The following DAPP1 variants were observed in gnomAD, a reference collection of about 807,000 sequenced individuals.
DAPP1 encodes dual adapter for phosphotyrosine and 3-phosphotyrosine and 3-phosphoinositide.
A neutral mutation model predicts 41.5 loss-of-function variants in DAPP1; 20 were observed. The observed-to-expected ratio is 0.48, with a 90% CI of 0.34 to 0.70. The LOEUF (loss-of-function observed/expected upper bound fraction) is 0.70, where lower values mean the gene tolerates loss of function less well. Among genes scored for constraint, DAPP1 ranks in the 30% least tolerant of loss-of-function variants. The pLI, the probability that DAPP1 is intolerant of heterozygous loss-of-function variation, is 0.01. For synonymous variants in DAPP1, 113 were observed against 116.2 expected, an observed-to-expected ratio of 0.97 and a Z score of 0.18; for missense variants, 233 against 333.4, an observed-to-expected ratio of 0.70 and a Z score of 2.35.
intron 4 of DAPP1, 34 bp from the exon 5 acceptor site, chr4:99,861,544 G>T (rs772137535): frequency 6.4e-7 from 1 of 1,557,160 alleles, no homozygotes; most frequent in South Asian, 1.2e-5. Flanking sequence ...TGTTGTGACA[G>T]TTCTGGTCTT....
intron 4 of DAPP1, among the ~76,000 whole-genome samples, chr4:99,856,521 G>A (rs1324469684): frequency 6.6e-6 from 1 of 152,156 alleles, no homozygotes; most frequent in African/African-American, 2.4e-5. Context: ...GAGGTAATGA[G>A]GGGTCAGATC....
intron 3 of DAPP1, among the ~76,000 whole-genome samples, chr4:99,841,219 A>T (rs1245160531): frequency 6.6e-6 from 1 of 152,196 alleles, no homozygotes; most frequent in African/African-American, 2.4e-5. Flanking sequence ...GAGTTTGTAC[A>T]TACGTGTTTT....
intron 8 of DAPP1, among the ~76,000 whole-genome samples, chr4:99,866,873 G>C (rs1465479191): frequency 6.8e-6 from 1 of 148,062 alleles, no homozygotes; most frequent in Non-Finnish European, 1.5e-5. Context: ...GAGTTCAAGT[G>C]ACTTTCATGT....
At chr4:99,828,718 A>G (rs1723026099) in intron 1 of DAPP1, among the ~76,000 whole-genome samples, 1 of 152,178 alleles carries the variant, frequency 6.6e-6, no homozygotes, top group Non-Finnish European at 1.5e-5. Flanking sequence ...AGCTATGAAA[A>G]TTCTTTAGTG....
intron 1 of DAPP1, among the ~76,000 whole-genome samples, chr4:99,823,685 T>C (rs1051630346): frequency 2.0e-5 from 3 of 152,186 alleles, no homozygotes; most frequent in Admixed American, 2.0e-4. Flanking sequence ...TGAAGGTTCA[T>C]AGGAATGTGG....
chr4:99,868,297 A>G lies in DAPP1; in HGVS notation c.*112A>G. 1 of 998,742 alleles carries G rather than the reference A, an allele frequency of 1.0e-6. No individual in the cohort carries two copies. The highest frequency in any genetic ancestry group is 1.4e-5 in the South Asian group (1 of 70,678). 61.9% of individuals were successfully genotyped at this position (998,742 alleles called of 1,614,324 possible). On this transcript the variant is annotated 3_prime_UTR_variant, in exon 9 of 9. Transcript: ENST00000512369. ...ACCGACTAAGGATTTTCTTTCAAAA[A>G]CAAATCAGAAGCAGATGCTGATTGG...
At position 99,848,686 on chromosome 4, in the gene DAPP1, G is replaced by A. The variant is rs554458813; in HGVS notation, c.359-4532G>A. Among the ~76,000 whole-genome samples the A allele has an allele frequency of 4.1e-4, 62 of 152,244 alleles. 1 individual carries two copies. The South Asian group carries it at 0.012, about 29-fold the overall frequency. On this transcript the variant is annotated intron_variant, in intron 3 of 8. Coordinates refer to ENST00000512369, the MANE Select transcript of DAPP1 (RefSeq NM_014395.3). ...TGTCTGTCTTGATTCATCTCTGATC[G>A]TCTCAGAAGTGTACCTCCGCTCAGC...
rs373968081 is a variant in DAPP1 at position 99,868,099 on chromosome 4, G to A, written c.775-18G>A. On this transcript the variant is annotated intron_variant, in intron 8 of 8. Transcript: ENST00000512369. ...CAATCACTCAATAATGGATACACGT[G>A]TGTGTACTTTATTACAGTCACAAAT... 8.1e-6 allele frequency: 13 copies of A among 1,607,052 alleles called. No homozygotes were observed. In the Admixed American group the frequency reaches 8.3e-5, roughly 10 times the overall value.
intron 4 of DAPP1, among the ~76,000 whole-genome samples, chr4:99,855,240 T>C (rs1362805077): frequency 6.6e-6 from 1 of 152,204 alleles, no homozygotes; most frequent in African/African-American, 2.4e-5. Context: ...CACCAGTCAC[T>C]TCAACATCTC....
chr4:99,850,409 CAA>C (rs201106157), intron 3 of DAPP1, among the ~76,000 whole-genome samples: 1 of 137,162 alleles, frequency 7.3e-6, no homozygotes. Flanking sequence ...GACTCCGCCT[CAA>C]AAAAAAAAAA....
At chr4:99,857,662 C>T (rs1724090872) in intron 4 of DAPP1, among the ~76,000 whole-genome samples, 1 of 150,404 alleles carries the variant, frequency 6.6e-6, no homozygotes. Context: ...CTTATCCTTT[C>T]AGTCTTTTAC....
At chr4:99,867,154 A>G (rs1273199370) in intron 8 of DAPP1, among the ~76,000 whole-genome samples, 2 of 152,112 alleles carry the variant, frequency 1.3e-5, no homozygotes, top group African/African-American at 4.8e-5. Flanking sequence ...AGATACTGAG[A>G]CTTTTGCTTT....
intron 2 of DAPP1, among the ~76,000 whole-genome samples, chr4:99,837,046 C>A (rs1233510748): frequency 6.6e-6 from 1 of 152,228 alleles, no homozygotes; most frequent in Non-Finnish European, 1.5e-5. Context: ...TGCCACATGG[C>A]ACCCATGGCT....
chr4:99,839,369 ATAGATATCTATAGATATATATAGAT>A (rs1022358327), intron 2 of DAPP1, among the ~76,000 whole-genome samples: 40 of 108,178 alleles, frequency 3.7e-4, no homozygotes, highest in Admixed American at 1.2e-3. Flanking sequence ...ATAGATATAT[ATAGATATCTATAGATATATATAGAT>A]TAGATATCTA....
rs1453143586 is a variant in DAPP1, at chr4:99,835,621, A to C, written c.102-2A>C. 2 of 1,611,596 alleles carry C rather than the reference A, an allele frequency of 1.2e-6. No individual in the cohort carries two copies. ...GTGAAAGCGCTGTTCCCTCCTTTCT[A>C]GGTGGTATCACGGCAACCTCACACG... On this transcript the variant is annotated splice_acceptor_variant, in intron 1 of 8. Coordinates refer to ENST00000512369, the MANE Select transcript of DAPP1 (RefSeq NM_014395.3). LOFTEE classifies it high-confidence loss of function.
At chr4:99,866,256 G>A (rs1306508492) in intron 8 of DAPP1, 135 bp downstream of exon 8, 13 of 615,078 alleles carry the variant, frequency 2.1e-5, no homozygotes, top group East Asian at 5.6e-5. Flanking sequence ...CCAGGCTTGC[G>A]GAACAGTCTG....
At chr4:99,846,553 CT>C (rs1263887977) in intron 3 of DAPP1, among the ~76,000 whole-genome samples, 1 of 152,104 alleles carries the variant, frequency 6.6e-6, no homozygotes, top group Non-Finnish European at 1.5e-5. Context: ...TAATAAAATG[CT>C]TTTATGGTTA....
rs1560713081 is a variant in DAPP1 at position 99,868,689 on chromosome 4, TC to T, written c.*509del. The T allele has an allele frequency of 2.0e-5, 3 of 149,666 alleles. No homozygotes were observed. The highest frequency in any genetic ancestry group is 7.3e-5 in the African/African-American group (3 of 40,926). The allele number at this position is 149,666 out of a possible 1,614,324, so 9.3% of individuals were successfully genotyped here. On this transcript the variant is annotated 3_prime_UTR_variant, in exon 9 of 9. Transcript: ENST00000512369. Reference sequence around the variant, plus strand: ...GGGAGAGGTTTTTTTTTTTAATTTTTCCCCCTTTATACAAAAAAAAAAGAAC... The same window carrying T: ...GGGAGAGGTTTTTTTTTTTAATTTTTCCCCTTTATACAAAAAAAAAAGAAC...
At chr4:99,866,764 CTATTT>C in intron 8 of DAPP1, 1 of 416,032 alleles carries the variant, frequency 2.4e-6, no homozygotes, top group East Asian at 4.2e-5. Flanking sequence ...TTCTTTTTTT[CTATTT>C]TTTTTTTTTT....
Sources: allele counts gnomAD v4.1 joint callset (sites outside exome capture counted in the v4.1 genomes callset), GRCh38; gene constraint gnomAD v4.1.1; transcripts MANE v1.5; gene names NCBI Gene and HGNC (gene_info 2026-07-23, HGNC 2026-07-21).